The following BBX variants were observed in gnomAD, a reference collection of about 807,000 sequenced individuals.
BBX encodes BBX high mobility group box domain containing, also known as HMG box transcription factor BBX.
Under a neutral mutation model 100.2 loss-of-function variants are expected in BBX, and 30 were observed. The ratio of observed to expected loss-of-function variants is 0.30; its 90% CI spans 0.22 to 0.41. The LOEUF (loss-of-function observed/expected upper bound fraction) is 0.41, where lower values mean the gene tolerates loss of function less well. BBX is among the 10% of genes least tolerant of loss of function. The pLI is 1.00. For synonymous variants in BBX, 376 were observed against 388.1 expected (o/e 0.97, Z 0.37); for missense variants, 1,023 against 1,129.8 (o/e 0.91, Z 1.35).
chr3:107,729,874 G>A (rs922936920), intron 6 of BBX, among the ~76,000 whole-genome samples: 4 of 152,076 alleles, frequency 2.6e-5, no homozygotes, highest in Admixed American at 1.3e-4. Context: ...GATTCAGTGT[G>A]TGATTCATAC....
intron 10 of BBX, among the ~76,000 whole-genome samples, chr3:107,770,163 A>G (rs1384144151): frequency 6.6e-6 from 1 of 152,192 alleles, no homozygotes; most frequent in African/African-American, 2.4e-5. Flanking sequence ...TAGCTGTAGA[A>G]TCCTTTCAGG....
chr3:107,755,712 G>A (rs750613004), intron 10 of BBX, 34 bp downstream of exon 10: 1 of 1,546,972 alleles, frequency 6.5e-7, no homozygotes, highest in Admixed American at 1.7e-5. Flanking sequence ...GATAAGATCT[G>A]CAGAGGTGGA....
Position 107,561,670 on chromosome 3 carries a change from T to C in BBX, c.-84+35272T>C, listed in dbSNP as rs557095756. Among the ~76,000 whole-genome samples, 28 of 152,326 alleles carry C rather than the reference T, an allele frequency of 1.8e-4. No individual in the cohort carries two copies. In the South Asian group the frequency reaches 5.2e-3, roughly 28 times the overall value. ...TTTTAGAAACACCCTCAAAATGCTA[T>C]ATATTATTTACTCAAAAATATGACA... On this transcript the variant is annotated intron_variant, in intron 2 of 17. Coordinates refer to ENST00000325805, the MANE Select transcript of BBX (RefSeq NM_001142568.3).
At chr3:107,659,770 C>T (rs554538561) in intron 3 of BBX, 52 of 1,274,780 alleles carry the variant, frequency 4.1e-5, no homozygotes, top group South Asian at 5.0e-5. Flanking sequence ...TTATTTTTAA[C>T]GTAAGTGTGT....
intron 13 of BBX, among the ~76,000 whole-genome samples, chr3:107,786,688 A>C (rs965601046): frequency 1.3e-5 from 2 of 152,166 alleles, no homozygotes; most frequent in African/African-American, 4.8e-5. Context: ...AAACAATAAA[A>C]CTTTCAAAGC....
At chr3:107,588,568 C>A (rs914443017) in intron 2 of BBX, among the ~76,000 whole-genome samples, 3 of 152,092 alleles carry the variant, frequency 2.0e-5, no homozygotes, top group Admixed American at 6.5e-5. Context: ...GATTCAGATC[C>A]CAGTTTGCCA....
chr3:107,694,965 T>A (rs1446285031), intron 3 of BBX, among the ~76,000 whole-genome samples: 1 of 151,734 alleles, frequency 6.6e-6, no homozygotes. Context: ...TCTTCTATAT[T>A]TTCTAGTTTA....
chr3:107,737,993 C>T (rs1387003046), intron 7 of BBX, among the ~76,000 whole-genome samples: 6 of 139,990 alleles, frequency 4.3e-5, no homozygotes, highest in Non-Finnish European at 9.1e-5. Flanking sequence ...TGAGCATTTC[C>T]CTTTAGCATT....
At chr3:107,645,355 G>T (rs563709160) in intron 2 of BBX, among the ~76,000 whole-genome samples, 1 of 151,800 alleles carries the variant, frequency 6.6e-6, no homozygotes, top group African/African-American at 2.4e-5. Flanking sequence ...TTGTTTGTTC[G>T]TTTTTACTAT....
intron 3 of BBX, among the ~76,000 whole-genome samples, chr3:107,692,029 G>C (rs910899629): frequency 6.6e-6 from 1 of 151,982 alleles, no homozygotes; most frequent in Non-Finnish European, 1.5e-5. Flanking sequence ...CTTTCTTACA[G>C]TAAAGAACAG....
intron 16 of BBX, among the ~76,000 whole-genome samples, chr3:107,800,697 A>G (rs2070353779): frequency 6.6e-6 from 1 of 152,242 alleles, no homozygotes; most frequent in Non-Finnish European, 1.5e-5. Context: ...AGGGCATGCT[A>G]CAGCTTCATG....
chr3:107,759,545 T>C (rs1039482022), intron 10 of BBX, among the ~76,000 whole-genome samples: 3 of 152,180 alleles, frequency 2.0e-5, no homozygotes, highest in Non-Finnish European at 4.4e-5. Flanking sequence ...GTCAGAGATA[T>C]CTGAACCTGT....
intron 17 of BBX, among the ~76,000 whole-genome samples, chr3:107,803,073 G>T (rs1177463139): frequency 6.6e-6 from 1 of 152,206 alleles, no homozygotes; most frequent in Non-Finnish European, 1.5e-5. Context: ...TTACCAGCTT[G>T]CTTAGTTCCT....
intron 7 of BBX, among the ~76,000 whole-genome samples, chr3:107,743,929 T>G (rs1240446848): frequency 5.4e-5 from 8 of 148,490 alleles, no homozygotes; most frequent in African/African-American, 1.2e-4. Context: ...TTTTTTTTTT[T>G]TTTTTTTTTT....
Position 107,791,246 on chromosome 3 carries a change from G to T in BBX, c.2300G>T (p.Gly767Val). The T allele has an allele frequency of 6.2e-7, 1 of 1,612,306 alleles. No homozygotes were observed. Among genetic ancestry groups the T allele is most frequent in the Non-Finnish European group, 8.5e-7 (1 of 1,178,848 alleles). The change falls in exon 15 of 18, where the codon GGG becomes GTG. Residue 767 changes from glycine to valine, a missense_variant. Coordinates refer to ENST00000325805, the MANE Select transcript of BBX (RefSeq NM_001142568.3). The part of the protein sequence containing the change: ...EKPNVPEKGS[G>V]DKWSNKQLFL... ...TTTCTGTCATTGTTTTTAGGAAGTG[G>T]GGATAAATGGTCAAACAAGCAACTC...
At position 107,733,042 on chromosome 3, in the gene BBX, G is replaced by T. The variant is rs528309793; in HGVS notation, c.669+19G>T. On this transcript the variant is annotated intron_variant, in intron 7 of 17. Coordinates refer to ENST00000325805, the MANE Select transcript of BBX (RefSeq NM_001142568.3). ...ACCAGAGGTAAGCCAGTCCTTTTCC[G>T]TCTCCACTCTGCTCATACTGTGGGT... The T allele has an allele frequency of 6.2e-7, 1 of 1,607,200 alleles. No homozygotes were observed. Among genetic ancestry groups the T allele is most frequent in the Non-Finnish European group, 8.5e-7 (1 of 1,175,350 alleles).
intron 2 of BBX, among the ~76,000 whole-genome samples, chr3:107,568,551 G>A (rs186217222): frequency 2.6e-5 from 4 of 152,156 alleles, no homozygotes; most frequent in South Asian, 2.1e-4. Context: ...GAGCCACTGC[G>A]CCCGACCATT....
chr3:107,712,092 G>C (rs533888667), intron 4 of BBX, among the ~76,000 whole-genome samples: 2 of 152,234 alleles, frequency 1.3e-5, no homozygotes, highest in East Asian at 3.9e-4. Flanking sequence ...GCCCAGGCTG[G>C]TCTGGAACTC....
At chr3:107,719,346 T>C (rs2062357256) in intron 5 of BBX, among the ~76,000 whole-genome samples, 1 of 152,024 alleles carries the variant, frequency 6.6e-6, no homozygotes, top group Non-Finnish European at 1.5e-5. Flanking sequence ...CATTATCAGT[T>C]GAGTGAGAAA....
Sources: allele counts gnomAD v4.1 joint callset (sites outside exome capture counted in the v4.1 genomes callset), GRCh38; gene constraint gnomAD v4.1.1; transcripts MANE v1.5; gene names NCBI Gene and HGNC (gene_info 2026-07-23, HGNC 2026-07-21).